Variants in SLC4A5 observed in about 807,000 individuals in gnomAD.
SLC4A5 encodes electrogenic sodium bicarbonate cotransporter 4.
Under a neutral mutation model 120.4 loss-of-function variants are expected in SLC4A5, and 96 were observed. That is an observed-to-expected ratio of 0.80 (90% CI 0.68 to 0.94). The LOEUF (loss-of-function observed/expected upper bound fraction) is 0.94, where lower values mean the gene tolerates loss of function less well. SLC4A5 is among the 40% of genes least tolerant of loss of function. SLC4A5 has a pLI of 0.00. For synonymous variants in SLC4A5, 550 were observed against 571.1 expected (o/e 0.96, Z 0.53); for missense variants, 1,259 against 1,459.5 (o/e 0.86, Z 2.24).
Position 74,254,724 on chromosome 2 carries a change from G to C in SLC4A5, c.1026-18C>G, listed in dbSNP as rs755155318. 2.6e-6 allele frequency: 4 copies of C among 1,557,202 alleles called. No homozygotes were observed. Among genetic ancestry groups the C allele is most frequent in the Non-Finnish European group, 3.5e-6 (4 of 1,128,620 alleles). On this transcript the variant is annotated intron_variant, in intron 13 of 30. Coordinates refer to ENST00000394019, the Ensembl canonical transcript of SLC4A5. The stretch of plus-strand genomic sequence containing the variant: ...ACAGAAATCTGCAAAGAAGATGGAG[G>C]AGGAGACAGAGAAGATTAAGGAAGA...
At chr2:74,266,149 C>G (rs190688720) in intron 8 of SLC4A5, among the ~76,000 whole-genome samples, 12 of 152,250 alleles carry the variant, frequency 7.9e-5, no homozygotes, top group Admixed American at 7.9e-4. Context: ...TGGGGCATGC[C>G]TTAGCACATA....
At chr2:74,321,633 A>C (rs958312936) in intron 5 of SLC4A5, among the ~76,000 whole-genome samples, 17 of 152,018 alleles carry the variant, frequency 1.1e-4, no homozygotes, top group Non-Finnish European at 2.5e-4. Context: ...CTGGGAAAAT[A>C]ATATTGAGTC....
chr2:74,225,952 T>C (rs186207134), intron 27 of SLC4A5, among the ~76,000 whole-genome samples: 1 of 152,252 alleles, frequency 6.6e-6, no homozygotes, highest in East Asian at 1.9e-4. Context: ...TGGTGTGGAC[T>C]CAGTGGAACA....
chr2:74,244,277 C>T (rs1670536579), intron 19 of SLC4A5, among the ~76,000 whole-genome samples: 1 of 152,120 alleles, frequency 6.6e-6, no homozygotes, highest in South Asian at 2.1e-4. Flanking sequence ...TTCAATAGAG[C>T]AATGGTTCTC....
intron 5 of SLC4A5, among the ~76,000 whole-genome samples, chr2:74,316,791 G>A (rs966342276): frequency 6.6e-6 from 1 of 152,106 alleles, no homozygotes; most frequent in Non-Finnish European, 1.5e-5. Context: ...TGCTCCATAA[G>A]CCATAACTAT....
At chr2:74,304,577 C>T (rs1159224581) in exon 7 of SLC4A5, 1 of 1,614,214 alleles carries the variant, frequency 6.2e-7, no homozygotes, top group Non-Finnish European at 8.5e-7. Flanking sequence ...GGTCTGGCCG[C>T]AGGCCCCAGT....
At chr2:74,300,266 G>T (rs1672439139) in intron 7 of SLC4A5, among the ~76,000 whole-genome samples, 1 of 152,146 alleles carries the variant, frequency 6.6e-6, no homozygotes, top group African/African-American at 2.4e-5. Context: ...CTAATGTACT[G>T]CATGGTGACT....
chr2:74,321,672 CATTGGGTAGTCATCT>C (rs1673101724), intron 5 of SLC4A5, among the ~76,000 whole-genome samples: 1 of 151,732 alleles, frequency 6.6e-6, no homozygotes, highest in Admixed American at 6.6e-5. Context: ...GGAGAATGCG[CATTGGGTAGTCATCT>C]AGCATGTCTC....
rs1672926456 is a variant in SLC4A5 at position 74,315,140 on chromosome 2, T to C, written c.-2-115A>G. ...GGAGATTTTAATACAGATAAAAAAC[T>C]AAGACAAAAGGACATATAACTGGGT... On this transcript the variant is annotated intron_variant, in intron 5 of 30. Coordinates refer to ENST00000394019, the Ensembl canonical transcript of SLC4A5. 4 of 919,392 alleles carry C rather than the reference T, an allele frequency of 4.4e-6. 1 individual carries two copies. In the African/African-American group the frequency reaches 4.9e-5, roughly 11 times the overall value. 57.0% of individuals were successfully genotyped at this position (919,392 alleles called of 1,614,324 possible). A position where few individuals can be genotyped will look rare whatever the true frequency, so the allele number is the denominator to read the frequency against.
chr2:74,276,831 A>C (rs183891395), intron 8 of SLC4A5, among the ~76,000 whole-genome samples: 1 of 152,084 alleles, frequency 6.6e-6, no homozygotes, highest in Non-Finnish European at 1.5e-5. Context: ...ATTCTCCATG[A>C]AGAATTTGGA....
At chr2:74,233,356 T>C (rs780222716) in intron 23 of SLC4A5, 46 bp downstream of exon 23, 2 of 1,606,238 alleles carry the variant, frequency 1.2e-6, no homozygotes, top group Non-Finnish European at 1.7e-6. Flanking sequence ...TTTCTGACTT[T>C]GTGGGAAGAA....
intron 5 of SLC4A5, among the ~76,000 whole-genome samples, chr2:74,323,569 C>T (rs533849162): frequency 9.2e-5 from 14 of 151,874 alleles, no homozygotes; most frequent in South Asian, 4.2e-4. Flanking sequence ...GGCTTTGGAA[C>T]GAGCCACTCA....
At chr2:74,259,475 T>G (rs1671069100) in intron 12 of SLC4A5, 113 bp downstream of exon 12, 1 of 1,221,120 alleles carries the variant, frequency 8.2e-7, no homozygotes, top group African/African-American at 1.5e-5. Context: ...TTCCTGGAAC[T>G]CCCACTCCTT....
chr2:74,247,134 T>C lies in SLC4A5; in HGVS notation c.1961A>G (p.Lys654Arg), dbSNP rs1187600420. Reference sequence around the variant, plus strand: ...GTACTTGAAGGCACCGATCATCTTCTTGATGGCATCGTAGATGAAGATGAA... The same window carrying C: ...GTACTTGAAGGCACCGATCATCTTCCTGATGGCATCGTAGATGAAGATGAA... The change falls in exon 19 of 31, where the codon AAG (lysine) becomes AGG (arginine). Residue 654 changes from lysine to arginine, a missense_variant. By Grantham distance (26) the Lys-to-Arg change is conservative. Coordinates refer to ENST00000394019, the Ensembl canonical transcript of SLC4A5. The C allele has an allele frequency of 5.6e-6, 9 of 1,614,226 alleles. No individual in the cohort carries two copies. The East Asian group carries it at 1.8e-4, about 32-fold the overall frequency.
intron 13 of SLC4A5, 94 bp from the exon 14 acceptor site, chr2:74,254,800 G>T: frequency 1.1e-6 from 1 of 925,540 alleles, no homozygotes; most frequent in Non-Finnish European, 1.7e-6. Context: ...AGAATTCTCT[G>T]GCCCTGAACA....
intron 8 of SLC4A5, among the ~76,000 whole-genome samples, chr2:74,280,000 A>G (rs750062156): frequency 2.0e-5 from 3 of 152,014 alleles, no homozygotes; most frequent in Non-Finnish European, 4.4e-5. Flanking sequence ...TCTCCACACT[A>G]AAGTGAGATG....
intron 19 of SLC4A5, among the ~76,000 whole-genome samples, chr2:74,245,035 A>C (rs992137472): frequency 1.3e-5 from 2 of 152,128 alleles, no homozygotes; most frequent in African/African-American, 4.8e-5. Flanking sequence ...AGAATGGCCA[A>C]AGTGGCCAGG....
intron 30 of SLC4A5, among the ~76,000 whole-genome samples, chr2:74,220,204 C>T (rs191550872): frequency 5.0e-4 from 76 of 152,346 alleles, no homozygotes; most frequent in African/African-American, 1.8e-3. Context: ...TTTGCCCCCA[C>T]TATGTCATCA....
At chr2:74,327,569 T>C (rs1284439929) in intron 5 of SLC4A5, among the ~76,000 whole-genome samples, 1 of 152,136 alleles carries the variant, frequency 6.6e-6, no homozygotes, top group African/African-American at 2.4e-5. Flanking sequence ...AAACTAGCAG[T>C]AGCAAAACCA....
Sources: gnomAD v4.1 joint callset for allele counts (sites outside exome capture counted in the v4.1 genomes callset) on GRCh38, gnomAD v4.1.1 for gene constraint, MANE v1.5 for transcripts, NCBI Gene and HGNC (gene_info 2026-07-23, HGNC 2026-07-21) for gene names.